SUSD6: variants seen among roughly 807,000 people sequenced by gnomAD.
SUSD6 encodes sushi domain-containing protein 6.
A neutral mutation model predicts 28.4 loss-of-function variants in SUSD6; 16 were observed. The ratio of observed to expected loss-of-function variants is 0.56; its 90% CI spans 0.38 to 0.86. SUSD6 has a LOEUF of 0.86. Ranked by LOEUF, SUSD6 falls within the 40% of genes least tolerant of loss-of-function variation. The pLI is 0.00. For synonymous variants in SUSD6, 147 were observed against 159.6 expected (o/e 0.92, Z 0.59); for missense variants, 341 against 384.2 (o/e 0.89, Z 0.94).
rs118174170 is a variant in SUSD6 at position 69,713,611 on chromosome 14, C to T, written c.*2632C>T. On this transcript the variant is annotated 3_prime_UTR_variant, in exon 6 of 6. Transcript: ENST00000342745. ...ACTCCACAGCTGCCTTGAGGTAGGG[C>T]CTGGCTGAGAGACAAGGGTAGCAGC... 6.6e-6 allele frequency: 1 copy of T among 152,404 alleles called. No individual in the cohort carries two copies. Among genetic ancestry groups the T allele is most frequent in the East Asian group, 1.9e-4 (1 of 5,184 alleles). 9.4% of individuals were successfully genotyped at this position (152,404 alleles called of 1,614,324 possible).
At chr14:69,695,319 T>C (rs1886209876) in intron 2 of SUSD6, among the ~76,000 whole-genome samples, 2 of 152,226 alleles carry the variant, frequency 1.3e-5, no homozygotes, top group Admixed American at 6.5e-5. Flanking sequence ...AGCAGGAATC[T>C]GTCCCAATGC....
chr14:69,700,252 A>G lies in SUSD6; in HGVS notation c.122-3143A>G, dbSNP rs1594722689. ...CCTTAAAAGGGAAACCTTGCTGAGG[A>G]CTCTTTTGCCGTCACTATCTGCCTA... On this transcript the variant is annotated intron_variant, in intron 2 of 5. Transcript: ENST00000342745. 2.0e-5 allele frequency among the ~76,000 whole-genome samples: 3 copies of G among 151,860 alleles called. No individual in the cohort carries two copies. The South Asian group carries it at 6.3e-4, about 32-fold the overall frequency.
At chr14:69,627,898 T>G (rs1409842234) in intron 1 of SUSD6, among the ~76,000 whole-genome samples, 1 of 152,112 alleles carries the variant, frequency 6.6e-6, no homozygotes, top group Non-Finnish European at 1.5e-5. Flanking sequence ...GCTCTTACTT[T>G]ACAGAGATTT....
intron 1 of SUSD6, among the ~76,000 whole-genome samples, chr14:69,653,453 G>A (rs1885532490): frequency 6.6e-6 from 1 of 152,224 alleles, no homozygotes; most frequent in Non-Finnish European, 1.5e-5. Flanking sequence ...GAAACAGAAG[G>A]CAGAGAGCCT....
chr14:69,618,173 T>TA (rs1884986322), intron 1 of SUSD6, among the ~76,000 whole-genome samples: 1 of 152,190 alleles, frequency 6.6e-6, no homozygotes, highest in African/African-American at 2.4e-5. Flanking sequence ...TCCAAAATCT[T>TA]AAACTTTTTG....
chr14:69,684,947 A>G (rs1375139930), intron 2 of SUSD6, among the ~76,000 whole-genome samples: 2 of 149,702 alleles, frequency 1.3e-5, no homozygotes, highest in Non-Finnish European at 2.9e-5. Context: ...CTGCTGGTAT[A>G]TAAACTGCTC....
intron 2 of SUSD6, among the ~76,000 whole-genome samples, chr14:69,661,711 G>C (rs1739302484): frequency 6.6e-6 from 1 of 152,178 alleles, no homozygotes; most frequent in African/African-American, 2.4e-5. Context: ...AAGCAGGCTT[G>C]TCCAGAAACC....
chr14:69,647,232 T>A (rs1410685889), intron 1 of SUSD6, among the ~76,000 whole-genome samples: 1 of 152,124 alleles, frequency 6.6e-6, no homozygotes, highest in African/African-American at 2.4e-5. Flanking sequence ...CACACTGAAA[T>A]TATATCAGGA....
At chr14:69,622,161 CTTTT>C (rs1189369971) in intron 1 of SUSD6, among the ~76,000 whole-genome samples, 1 of 151,856 alleles carries the variant, frequency 6.6e-6, no homozygotes. Context: ...GTTTTTTTGG[CTTTT>C]TTGTTTGTTT....
intron 2 of SUSD6, among the ~76,000 whole-genome samples, chr14:69,666,495 C>T: frequency 6.6e-6 from 1 of 152,206 alleles, no homozygotes. Flanking sequence ...TGGAAGGTTG[C>T]ATTTTACATG....
chr14:69,711,971 C>A lies in SUSD6; in HGVS notation c.*992C>A, dbSNP rs1157834177. 3 of 152,220 alleles carry A rather than the reference C, an allele frequency of 2.0e-5. No homozygotes were observed. Among genetic ancestry groups the A allele is most frequent in the African/African-American group, 7.2e-5 (3 of 41,418 alleles). 9.4% of individuals were successfully genotyped at this position (152,220 alleles called of 1,614,324 possible). A position where few individuals can be genotyped will look rare whatever the true frequency, so the allele number is the denominator to read the frequency against. ...TGCTGAGATGCCATGGAGTGCCCAT[C>A]TGGTCACTGGCAGTCTGGGCAGGTT... On this transcript the variant is annotated 3_prime_UTR_variant, in exon 6 of 6. Transcript: ENST00000342745.
chr14:69,712,542 C>G lies in SUSD6; in HGVS notation c.*1563C>G, dbSNP rs1886479911. On this transcript the variant is annotated 3_prime_UTR_variant, in exon 6 of 6. Transcript: ENST00000342745. Reference sequence around the variant, plus strand: ...CCCTGTGCTGCATGTCTGCTCCTCCCCTGAGCCTGTCTGCTTGGGGGTGGT... The same window carrying G: ...CCCTGTGCTGCATGTCTGCTCCTCCGCTGAGCCTGTCTGCTTGGGGGTGGT... 1 of 152,176 alleles carries G rather than the reference C, an allele frequency of 6.6e-6. No homozygotes were observed. The highest frequency in any genetic ancestry group is 2.4e-5 in the African/African-American group (1 of 41,428). 9.4% of individuals were successfully genotyped at this position (152,176 alleles called of 1,614,324 possible). A position where few individuals can be genotyped will look rare whatever the true frequency, so the allele number is the denominator to read the frequency against.
chr14:69,707,264 A>C (rs1184664286), intron 4 of SUSD6, among the ~76,000 whole-genome samples: 2 of 152,224 alleles, frequency 1.3e-5, no homozygotes, highest in African/African-American at 4.8e-5. Flanking sequence ...ACTCTTAGGA[A>C]GTATATGTTA....
chr14:69,650,007 A>G (rs1279543563), intron 1 of SUSD6, among the ~76,000 whole-genome samples: 1 of 152,168 alleles, frequency 6.6e-6, no homozygotes, highest in East Asian at 1.9e-4. Flanking sequence ...AACTAATATT[A>G]TTTTAGGATA....
At position 69,612,525 on chromosome 14, in the gene SUSD6, T is replaced by A. The variant is rs561143806; in HGVS notation, c.-81+697T>A. On this transcript the variant is annotated intron_variant, in intron 1 of 5. Coordinates refer to ENST00000342745, the MANE Select transcript of SUSD6 (RefSeq NM_014734.4). ...ATCTGACTCTCCCTCATGGGAGTCG[T>A]GGCTGGGGAGCTGCTGAAGTGGAGA... is the stretch of plus-strand genomic sequence containing the variant. Among the ~76,000 whole-genome samples, 3 of 151,868 alleles carry A rather than the reference T, an allele frequency of 2.0e-5. No homozygotes were observed. In the South Asian group the frequency reaches 6.2e-4, roughly 32 times the overall value.
rs554798849 is a variant in SUSD6, at chr14:69,658,720, C to A, written c.121+7C>A. 2 of 1,613,864 alleles carry A rather than the reference C, an allele frequency of 1.2e-6. No individual in the cohort carries two copies. The highest frequency in any genetic ancestry group is 3.3e-5 in the Admixed American group (2 of 59,992). ...GGAGACGGACTTGCTTCCGGTAAGT[C>A]CTGACCTGCCTTCTGTGTGTGGGTG... On this transcript the variant is annotated splice_region_variant and intron_variant, in intron 2 of 5. Transcript: ENST00000342745.
intron 1 of SUSD6, among the ~76,000 whole-genome samples, chr14:69,652,388 C>T (rs999540637): frequency 2.6e-5 from 4 of 151,930 alleles, no homozygotes; most frequent in Admixed American, 6.6e-5. Flanking sequence ...CAAAGGCTGC[C>T]GTGACCCAAG....
chr14:69,694,403 CCA>C lies in SUSD6; in HGVS notation c.122-8991_122-8990del, dbSNP rs1566605660. 2.6e-5 allele frequency among the ~76,000 whole-genome samples: 4 copies of C among 152,180 alleles called. No individual in the cohort carries two copies. The South Asian group carries it at 8.3e-4, about 32-fold the overall frequency. On this transcript the variant is annotated intron_variant, in intron 2 of 5. Coordinates refer to ENST00000342745, the MANE Select transcript of SUSD6 (RefSeq NM_014734.4). The stretch of plus-strand genomic sequence containing the variant: ...AATAGGAAGATCTCCCCAGGACTAC[CCA>C]GTGGGTAACTGTTGGAGCAGTGTGC...
In SUSD6 at chr14:69,692,375, A is replaced by G. The variant is rs373510116; in HGVS notation, c.122-11020A>G. On this transcript the variant is annotated intron_variant, in intron 2 of 5. Transcript: ENST00000342745. ...ATTTTTTTCTGGTGGCATCAGAAAA[A>G]ATCAAGAAGCTTCCTTGTAGAAGGG... is the stretch of plus-strand genomic sequence containing the variant. 2.3e-3 allele frequency among the ~76,000 whole-genome samples: 355 copies of G among 152,262 alleles called. 3 individuals are homozygous for G. The highest frequency in any genetic ancestry group is 8.2e-3 in the African/African-American group (339 of 41,538).
Sources: gnomAD v4.1 joint callset for allele counts (sites outside exome capture counted in the v4.1 genomes callset) on GRCh38, gnomAD v4.1.1 for gene constraint, MANE v1.5 for transcripts, NCBI Gene and HGNC (gene_info 2026-07-23, HGNC 2026-07-21) for gene names.